Variants in IL1RAPL1 observed in about 807,000 individuals in gnomAD.
The protein encoded by IL1RAPL1 is interleukin 1 receptor accessory protein like 1.
A neutral mutation model predicts 48.4 loss-of-function variants in IL1RAPL1; 3 were observed. That is an observed-to-expected ratio of 0.06 (90% CI 0.03 to 0.16). The LOEUF (loss-of-function observed/expected upper bound fraction) is 0.16, where lower values mean the gene tolerates loss of function less well. Ranked by LOEUF, IL1RAPL1 falls within the 10% of genes least tolerant of loss-of-function variation. The probability of loss-of-function intolerance (pLI) is 1.00; values close to 1 mark genes in which losing one functional copy is unlikely to be tolerated. For synonymous variants in IL1RAPL1, 185 were observed against 187.7 expected (o/e 0.99, Z 0.12); for missense variants, 349 against 530.6 (o/e 0.66, Z 3.36).
chrX:28,620,243 A>C (rs766379756), intron 1 of IL1RAPL1, among the ~76,000 whole-genome samples: 1 of 112,232 alleles, frequency 8.9e-6, no homozygotes, highest in African/African-American at 3.2e-5. Context: ...GTATTTTTAC[A>C]GAAATAAATC....
intron 5 of IL1RAPL1, among the ~76,000 whole-genome samples, chrX:29,610,304 T>C (rs1414541735): frequency 9.0e-6 from 1 of 111,527 alleles, no homozygotes; most frequent in Non-Finnish European, 1.9e-5. Flanking sequence ...TGGTAGGAAG[T>C]GGGAGTAGAG....
intron 3 of IL1RAPL1, among the ~76,000 whole-genome samples, chrX:29,387,314 G>A (rs750081634): frequency 8.9e-6 from 1 of 112,219 alleles, no homozygotes; most frequent in Non-Finnish European, 1.9e-5. Flanking sequence ...AGTCTGTTAT[G>A]TTCTGTCTGT....
At chrX:28,835,064 A>C (rs1189638843) in intron 2 of IL1RAPL1, among the ~76,000 whole-genome samples, 3 of 112,072 alleles carry the variant, frequency 2.7e-5, no homozygotes, top group South Asian at 3.7e-4. Context: ...TATTAGAGGC[A>C]GAAGCCAGTC....
chrX:29,392,201 G>C (rs895796699), intron 3 of IL1RAPL1, among the ~76,000 whole-genome samples: 1 of 112,312 alleles, frequency 8.9e-6, no homozygotes, highest in African/African-American at 3.2e-5. Flanking sequence ...TTAAGTTTTT[G>C]TGTAGACTGC....
chrX:28,917,762 T>C (rs944880194), intron 2 of IL1RAPL1, among the ~76,000 whole-genome samples: 1 of 112,518 alleles, frequency 8.9e-6, no homozygotes, highest in Non-Finnish European at 1.9e-5. Context: ...AAAATTGTGG[T>C]ATACCATACG....
intron 3 of IL1RAPL1, among the ~76,000 whole-genome samples, chrX:29,370,406 A>C (rs1933528356): frequency 9.1e-6 from 1 of 110,144 alleles, no homozygotes; most frequent in East Asian, 2.8e-4. Context: ...ACACTTTTCC[A>C]CAAGCCTTGC....
intron 1 of IL1RAPL1, among the ~76,000 whole-genome samples, chrX:28,645,038 GA>G (rs1228090309): frequency 1.8e-5 from 2 of 110,273 alleles, no homozygotes; most frequent in Non-Finnish European, 3.8e-5. Flanking sequence ...TCTCTTTGGG[GA>G]AAAAAAGTAT....
At chrX:29,451,297 C>T (rs763839811) in intron 5 of IL1RAPL1, among the ~76,000 whole-genome samples, 5 of 109,162 alleles carry the variant, frequency 4.6e-5, no homozygotes, top group South Asian at 4.0e-4. Context: ...CAGGTTCAAG[C>T]GATTCTTCTG....
At chrX:28,859,912 G>A (rs915000453) in intron 2 of IL1RAPL1, among the ~76,000 whole-genome samples, 2 of 110,252 alleles carry the variant, frequency 1.8e-5, no homozygotes, top group Admixed American at 9.7e-5. Flanking sequence ...GTTTACTTAA[G>A]ATTATTGTTA....
chrX:29,257,837 C>T (rs895945185), intron 2 of IL1RAPL1, among the ~76,000 whole-genome samples: 4 of 111,013 alleles, frequency 3.6e-5, no homozygotes, highest in South Asian at 3.7e-4. Flanking sequence ...GAATTAGTCC[C>T]GGGGGAATTT....
chrX:29,046,591 G>A (rs891762360), intron 2 of IL1RAPL1, among the ~76,000 whole-genome samples: 4 of 111,541 alleles, frequency 3.6e-5, no homozygotes, highest in Non-Finnish European at 7.5e-5. Context: ...CCACAGAACC[G>A]AGATTTGAAT....
At chrX:28,589,706 C>T (rs1471214627) in intron 1 of IL1RAPL1, among the ~76,000 whole-genome samples, 1 of 111,304 alleles carries the variant, frequency 9.0e-6, no homozygotes, top group Non-Finnish European at 1.9e-5. Context: ...TGCATTTTTC[C>T]TGGTAGAGCT....
chrX:29,639,233 TTTTG>T (rs936097589), intron 5 of IL1RAPL1, among the ~76,000 whole-genome samples: 7 of 112,379 alleles, frequency 6.2e-5, no homozygotes, highest in African/African-American at 9.7e-5. Flanking sequence ...GATTTGTTTT[TTTTG>T]TTTGTTTGTT....
intron 5 of IL1RAPL1, among the ~76,000 whole-genome samples, chrX:29,406,266 G>A (rs1215558918): frequency 9.1e-6 from 1 of 110,175 alleles, no homozygotes; most frequent in Non-Finnish European, 1.9e-5. Context: ...GTGGGCGCCT[G>A]TAGTCCCAGC....
Position 29,955,305 on chromosome X carries a change from G to A in IL1RAPL1, c.1576G>A (p.Ala526Thr). 7 of 1,211,289 alleles carry A rather than the reference G, an allele frequency of 5.8e-6. No homozygotes were observed. Among genetic ancestry groups the A allele is most frequent in the Non-Finnish European group, 7.8e-6 (7 of 895,195 alleles). ...AATTATGAACTACCAGGAGGTGGAG[G>A]CCCTGAAGCACACCATCAAGCTCCT... Reference protein sequence around the residue: ...RGIMNYQEVEALKHTIKLLTV... With the variant: ...RGIMNYQEVETLKHTIKLLTV... Residue 526 changes from alanine to threonine, a missense_variant, in exon 11 of 11, where the codon GCC (alanine) becomes ACC (threonine). Ala to Thr is a moderately conservative substitution (Grantham distance 58). Coordinates refer to ENST00000378993, the MANE Select transcript of IL1RAPL1 (RefSeq NM_014271.4).
At chrX:28,949,987 T>C (rs1924410357) in intron 2 of IL1RAPL1, among the ~76,000 whole-genome samples, 1 of 110,844 alleles carries the variant, frequency 9.0e-6, no homozygotes, top group South Asian at 3.8e-4. Flanking sequence ...CCATTGCTTT[T>C]GGTGTTATAG....
chrX:29,917,201 C>T (rs745417879), intron 6 of IL1RAPL1, among the ~76,000 whole-genome samples: 3 of 112,107 alleles, frequency 2.7e-5, no homozygotes, highest in Admixed American at 9.5e-5. Context: ...TCAGGCAAAC[C>T]GAACGGGAAA....
At chrX:29,357,381 G>A (rs778878487) in intron 3 of IL1RAPL1, among the ~76,000 whole-genome samples, 14 of 111,939 alleles carry the variant, frequency 1.3e-4, no homozygotes, top group Non-Finnish European at 2.4e-4. Context: ...TAGTGGGATA[G>A]GTCACATGCA....
chrX:29,483,706 T>A (rs866738945), intron 5 of IL1RAPL1, among the ~76,000 whole-genome samples: 1 of 102,473 alleles, frequency 9.8e-6, no homozygotes, highest in Non-Finnish European at 2.0e-5. Context: ...TTTTTTTTTT[T>A]AAGACAGGGC....
Sources: gnomAD v4.1 joint callset for allele counts (sites outside exome capture counted in the v4.1 genomes callset) on GRCh38, gnomAD v4.1.1 for gene constraint, MANE v1.5 for transcripts, NCBI Gene and HGNC (gene_info 2026-07-23, HGNC 2026-07-21) for gene names.